Variants in LPP observed in about 807,000 individuals in gnomAD.
The protein encoded by LPP is lipoma-preferred partner.
In LPP, 38 loss-of-function variants were observed where a neutral mutation model predicts 60.4. The observed-to-expected ratio is 0.63, with a 90% CI of 0.49 to 0.83. The LOEUF is 0.83. LPP is among the 40% of genes least tolerant of loss of function. The pLI is 0.00. For missense variants in LPP, 902 were observed against 783.6 expected (o/e 1.15, Z -1.80); for synonymous variants, 328 against 290.8 (o/e 1.13, Z -1.30).
At chr3:188,240,401 G>A (rs1420007426) in intron 2 of LPP, among the ~76,000 whole-genome samples, 3 of 151,120 alleles carry the variant, frequency 2.0e-5, no homozygotes, top group Non-Finnish European at 3.0e-5. Flanking sequence ...GAGAGAAAGA[G>A]GTAAAGAGGA....
chr3:188,639,247 G>A (rs1211046453), intron 7 of LPP, among the ~76,000 whole-genome samples: 1 of 151,772 alleles, frequency 6.6e-6, no homozygotes, highest in Admixed American at 6.6e-5. Context: ...ACAAACCTGA[G>A]AAAAACAAGC....
chr3:188,288,591 CACAT>C (rs1300785081), intron 2 of LPP, among the ~76,000 whole-genome samples: 2 of 151,504 alleles, frequency 1.3e-5, no homozygotes, highest in African/African-American at 2.4e-5. Context: ...CACACACACA[CACAT>C]ACACACAGAT....
At chr3:188,338,078 TTTA>T (rs1165274584) in intron 2 of LPP, among the ~76,000 whole-genome samples, 1 of 152,232 alleles carries the variant, frequency 6.6e-6, no homozygotes, top group Non-Finnish European at 1.5e-5. Flanking sequence ...GCAATTTACT[TTTA>T]AAAAATCTGA....
chr3:188,684,240 A>G (rs1241398829), intron 7 of LPP, among the ~76,000 whole-genome samples: 1 of 152,246 alleles, frequency 6.6e-6, no homozygotes, highest in Non-Finnish European at 1.5e-5. Flanking sequence ...TTTATCACGG[A>G]CACATCAAGT....
At chr3:188,388,996 C>T (rs574193128) in intron 3 of LPP, among the ~76,000 whole-genome samples, 2 of 152,274 alleles carry the variant, frequency 1.3e-5, no homozygotes, top group African/African-American at 4.8e-5. Context: ...TGTTAATTTC[C>T]TGACAAATCG....
chr3:188,661,521 T>C (rs1163590657), intron 7 of LPP, among the ~76,000 whole-genome samples: 1 of 152,246 alleles, frequency 6.6e-6, no homozygotes, highest in Non-Finnish European at 1.5e-5. Flanking sequence ...GTATCAGTGT[T>C]GTCAGACTTT....
chr3:188,382,277 G>C (rs1777118488), intron 3 of LPP, among the ~76,000 whole-genome samples: 2 of 152,122 alleles, frequency 1.3e-5, no homozygotes, highest in African/African-American at 4.8e-5. Flanking sequence ...TGTTTGTACA[G>C]GTCTCCTGCA....
intron 9 of LPP, among the ~76,000 whole-genome samples, chr3:188,800,454 C>T (rs1012810805): frequency 6.6e-6 from 1 of 151,886 alleles, no homozygotes; most frequent in East Asian, 1.9e-4. Context: ...ATCGTGTTAG[C>T]CAGGATGGTC....
At chr3:188,809,412 A>G (rs1178245725) in intron 9 of LPP, among the ~76,000 whole-genome samples, 2 of 151,954 alleles carry the variant, frequency 1.3e-5, no homozygotes, top group Non-Finnish European at 1.5e-5. Flanking sequence ...TGTGATTTTG[A>G]TTTGCATTTA....
At chr3:188,806,598 C>T (rs1749216805) in intron 9 of LPP, among the ~76,000 whole-genome samples, 1 of 151,824 alleles carries the variant, frequency 6.6e-6, no homozygotes, top group South Asian at 2.1e-4. Context: ...TGTTACTTTT[C>T]CATCTGCTAT....
At chr3:188,749,631 C>T (rs1409253751) in intron 8 of LPP, among the ~76,000 whole-genome samples, 1 of 152,104 alleles carries the variant, frequency 6.6e-6, no homozygotes, top group Non-Finnish European at 1.5e-5. Flanking sequence ...AGTTGCAACT[C>T]TGCTACCTAC....
At chr3:188,577,791 TTCCC>T (rs1398493284) in intron 6 of LPP, among the ~76,000 whole-genome samples, 2 of 131,864 alleles carry the variant, frequency 1.5e-5, no homozygotes, top group Non-Finnish European at 3.2e-5. Flanking sequence ...TGTCCTTCCC[TTCCC>T]TCCCTCCCTC....
chr3:188,333,415 C>T lies in LPP; in HGVS notation c.-66-8248C>T, dbSNP rs368218135. ...TGCCTTAGCTTTGTCACTTGTCAAA[C>T]GAGAATATACTAGGAACAGTATCAG... On this transcript the variant is annotated intron_variant, in intron 2 of 11. Coordinates refer to ENST00000617246, the MANE Select transcript of LPP (RefSeq NM_001375462.1). Among the ~76,000 whole-genome samples, 12 of 152,176 alleles carry T rather than the reference C, an allele frequency of 7.9e-5. No individual in the cohort carries two copies. In the South Asian group the frequency reaches 1.5e-3, roughly 18 times the overall value.
At position 188,182,733 on chromosome 3, in the gene LPP, A is replaced by C. The variant is rs1243635532; in HGVS notation, c.-190+28481A>C. On this transcript the variant is annotated intron_variant, in intron 1 of 11. Coordinates refer to ENST00000617246, the MANE Select transcript of LPP (RefSeq NM_001375462.1). The surrounding 1 kb of genome is among the most constrained non-coding windows in gnomAD (Gnocchi z 4.4). ...TTGAATATATATATATAACATATGC[A>C]CATAATATATATACATATATGTACA... Among the ~76,000 whole-genome samples, 3 of 71,298 alleles carry C rather than the reference A, an allele frequency of 4.2e-5. No homozygotes were observed. Among genetic ancestry groups the C allele is most frequent in the Non-Finnish European group, 7.4e-5 (2 of 26,980 alleles). 46.8% of individuals were successfully genotyped at this position (71,298 alleles called of 152,430 possible). A position where few individuals can be genotyped will look rare whatever the true frequency, so the allele number is the denominator to read the frequency against.
intron 6 of LPP, among the ~76,000 whole-genome samples, chr3:188,606,440 T>C (rs1040977767): frequency 1.3e-5 from 2 of 151,920 alleles, no homozygotes; most frequent in Non-Finnish European, 2.9e-5. Flanking sequence ...TTGGATAGAG[T>C]GGTATCTTTT....
In LPP at chr3:188,853,585, A is replaced by AG. The variant is rs1329379930; in HGVS notation, c.1411-12611dup. Among the ~76,000 whole-genome samples, 7 of 152,294 alleles carry AG rather than the reference A, an allele frequency of 4.6e-5. No individual in the cohort carries two copies. In the East Asian group the frequency reaches 1.2e-3, roughly 25 times the overall value. On this transcript the variant is annotated intron_variant, in intron 9 of 11. Transcript: ENST00000617246. Reference sequence around the variant, plus strand: ...TGAGTTGTAGGAGAGGTGACAGGCTAGGGGCCTAGACAGGGGAGGTAGGAC... The same window carrying AG: ...TGAGTTGTAGGAGAGGTGACAGGCTAGGGGGCCTAGACAGGGGAGGTAGGAC...
intron 7 of LPP, among the ~76,000 whole-genome samples, chr3:188,665,790 A>T (rs1383638126): frequency 1.3e-5 from 2 of 152,188 alleles, no homozygotes; most frequent in Admixed American, 1.3e-4. Flanking sequence ...TCCTAAATAC[A>T]GTTTTAAAAG....
chr3:188,427,121 T>C (rs893613360), intron 4 of LPP, among the ~76,000 whole-genome samples: 1 of 152,240 alleles, frequency 6.6e-6, no homozygotes, highest in African/African-American at 2.4e-5. Context: ...TAGTGCTTCC[T>C]TCAGGAGCTC....
At chr3:188,541,198 A>G (rs1384237180) in intron 6 of LPP, among the ~76,000 whole-genome samples, 1 of 152,194 alleles carries the variant, frequency 6.6e-6, no homozygotes, top group East Asian at 1.9e-4. Context: ...GCAATAGTTA[A>G]GTTTATTGTT....
Sources: allele counts gnomAD v4.1 joint callset (sites outside exome capture counted in the v4.1 genomes callset), GRCh38; gene constraint gnomAD v4.1.1; non-coding constraint Gnocchi (gnomAD v3.1); transcripts MANE v1.5; gene names NCBI Gene and HGNC (gene_info 2026-07-23, HGNC 2026-07-21).